Variants in SPMIP2 observed in about 807,000 individuals in gnomAD.
The protein encoded by SPMIP2 is sperm microtubule inner protein 2.
chr4:158,936,285 T>C, the SPMIP2 span, among the ~76,000 whole-genome samples: 3 of 152,248 alleles, frequency 2.0e-5, no homozygotes, highest in East Asian at 1.9e-4. Flanking sequence ...AGTTGCCTAA[T>C]ATAAACCGCA....
At chr4:158,936,582 T>C in the SPMIP2 span, among the ~76,000 whole-genome samples, 1 of 152,248 alleles carries the variant, frequency 6.6e-6, no homozygotes, top group Admixed American at 6.5e-5. Flanking sequence ...TGGAAATTTT[T>C]GAGAAACACA....
the SPMIP2 span, among the ~76,000 whole-genome samples, chr4:158,985,483 A>G: frequency 2.7e-3 from 413 of 150,836 alleles, no homozygotes; most frequent in African/African-American, 7.0e-3. Flanking sequence ...TTCAATATAC[A>G]CAAATCAATC....
chr4:159,026,167 A>C, the SPMIP2 span: 5 of 395,834 alleles, frequency 1.3e-5, no homozygotes, highest in Non-Finnish European at 1.0e-5. Flanking sequence ...AGTGGACAGC[A>C]AAGGCCTTGA....
At chr4:159,001,995 C>A in the SPMIP2 span, among the ~76,000 whole-genome samples, 2 of 152,292 alleles carry the variant, frequency 1.3e-5, no homozygotes, top group Non-Finnish European at 1.5e-5. Context: ...TCGCCAGCAT[C>A]TGTTATTTTT....
chr4:158,993,030 C>CTGTG, the SPMIP2 span, among the ~76,000 whole-genome samples: 1 of 151,458 alleles, frequency 6.6e-6, no homozygotes, highest in African/African-American at 2.4e-5. Flanking sequence ...ATGTGTGTTT[C>CTGTG]TGTGTGTGTG....
At chr4:158,982,840 G>A in the SPMIP2 span, among the ~76,000 whole-genome samples, 2 of 152,080 alleles carry the variant, frequency 1.3e-5, no homozygotes, top group African/African-American at 2.4e-5. Flanking sequence ...AGAGAAGAAG[G>A]CTTCAGACGA....
At chr4:158,991,561 C>A in the SPMIP2 span, among the ~76,000 whole-genome samples, 1 of 152,180 alleles carries the variant, frequency 6.6e-6, no homozygotes, top group African/African-American at 2.4e-5. Flanking sequence ...GTTTTCACAG[C>A]TTCCTAATCA....
At chr4:159,039,339 G>A in the SPMIP2 span, among the ~76,000 whole-genome samples, 4 of 152,146 alleles carry the variant, frequency 2.6e-5, no homozygotes, top group Non-Finnish European at 5.9e-5. Context: ...GAGGAGTCTG[G>A]GGCCCAGCAG....
the SPMIP2 span, among the ~76,000 whole-genome samples, chr4:159,062,697 G>GTCTCTCTCTCTCTCTC: frequency 0.031 from 2,978 of 95,078 alleles, 440 homozygotes; most frequent in South Asian, 0.069. Flanking sequence ...TTGAAACAGG[G>GTCTCTCTCTCTCTCTC]TCTCTCTCTC....
At chr4:159,078,704 G>A in the SPMIP2 span, among the ~76,000 whole-genome samples, 65 of 152,196 alleles carry the variant, frequency 4.3e-4, no homozygotes, top group Non-Finnish European at 6.2e-4. Context: ...AGGAAAAGCA[G>A]GAAGTAAAAA....
chr4:159,079,959 A>G, the SPMIP2 span, among the ~76,000 whole-genome samples: 1 of 152,178 alleles, frequency 6.6e-6, no homozygotes, highest in East Asian at 1.9e-4. Flanking sequence ...TCTAGCATTT[A>G]AATCCCACCT....
the SPMIP2 span, among the ~76,000 whole-genome samples, chr4:158,980,762 C>A: frequency 6.6e-6 from 1 of 152,154 alleles, no homozygotes; most frequent in Non-Finnish European, 1.5e-5. Context: ...GAAACCACCG[C>A]AAAAAGACTG....
the SPMIP2 span, among the ~76,000 whole-genome samples, chr4:159,071,554 T>A: frequency 6.6e-6 from 1 of 152,136 alleles, no homozygotes; most frequent in Non-Finnish European, 1.5e-5. Flanking sequence ...AGAAATTCAT[T>A]ATGAAAGAAA....
At chr4:159,036,398 T>A in the SPMIP2 span, among the ~76,000 whole-genome samples, 3 of 152,126 alleles carry the variant, frequency 2.0e-5, no homozygotes, top group Non-Finnish European at 4.4e-5. Context: ...CTGTCTGAGG[T>A]CAAGCCTTTT....
At chr4:158,917,240 A>C in the SPMIP2 span, among the ~76,000 whole-genome samples, 2 of 148,144 alleles carry the variant, frequency 1.4e-5, no homozygotes, top group South Asian at 2.2e-4. Flanking sequence ...ACAAAGAAAG[A>C]CTCCATCTCA....
the SPMIP2 span, among the ~76,000 whole-genome samples, chr4:158,917,270 A>G: frequency 6.6e-6 from 1 of 151,738 alleles, no homozygotes; most frequent in Non-Finnish European, 1.5e-5. Context: ...TAGTTATAAT[A>G]CAAACAACTA....
chr4:158,971,518 A>G, the SPMIP2 span, among the ~76,000 whole-genome samples: 22 of 152,338 alleles, frequency 1.4e-4, no homozygotes, highest in African/African-American at 5.3e-4. Flanking sequence ...TACATTAAAT[A>G]TAATATCATA....
chr4:159,073,401 A>T, the SPMIP2 span, among the ~76,000 whole-genome samples: 1 of 152,088 alleles, frequency 6.6e-6, no homozygotes. Context: ...CGATCTGCCC[A>T]ACTCAGCCTC....
chr4:158,917,720 C>T, the SPMIP2 span, among the ~76,000 whole-genome samples: 1 of 70,288 alleles, frequency 1.4e-5, no homozygotes, highest in Admixed American at 1.9e-4. Flanking sequence ...CACTATTTGA[C>T]TTTTTTTTTT....
Sources: allele counts gnomAD v4.1 joint callset (sites outside exome capture counted in the v4.1 genomes callset), GRCh38; gene constraint gnomAD v4.1.1; transcripts MANE v1.5; gene names NCBI Gene and HGNC (gene_info 2026-07-23, HGNC 2026-07-21).